ACSF2: variants seen among roughly 807,000 people sequenced by gnomAD.
ACSF2 encodes acyl-CoA synthetase family member 2.
In ACSF2, 52 loss-of-function variants were observed where a neutral mutation model predicts 79.3. The ratio of observed to expected loss-of-function variants is 0.66; its 90% CI spans 0.53 to 0.83. ACSF2 has a LOEUF of 0.83. ACSF2 is among the 40% of genes least tolerant of loss of function. The pLI, the probability that ACSF2 is intolerant of heterozygous loss-of-function variation, is 0.00. For synonymous variants in ACSF2, 283 were observed against 312.6 expected (o/e 0.91, Z 1.00); for missense variants, 661 against 803.3 (o/e 0.82, Z 2.14).
At chr17:50,434,378 A>G (rs754681195) in intron 1 of ACSF2, among the ~76,000 whole-genome samples, 11 of 151,918 alleles carry the variant, frequency 7.2e-5, no homozygotes, top group Non-Finnish European at 1.6e-4. Context: ...CCACCAATAT[A>G]GAGTATCTTG....
At chr17:50,468,338 A>C in intron 10 of ACSF2, 1 of 1,614,178 alleles carries the variant, frequency 6.2e-7, no homozygotes, top group Non-Finnish European at 8.5e-7. Flanking sequence ...CAGCTCACGG[A>C]TCTTGTTGTT....
At chr17:50,426,457 C>T in intron 1 of ACSF2, 68 bp downstream of exon 1, 2 of 1,268,468 alleles carry the variant, frequency 1.6e-6, no homozygotes, top group South Asian at 3.1e-5. Flanking sequence ...GAGGTCCCGG[C>T]GAGCTTCGGA....
chr17:50,436,378 C>T (rs1411941152), intron 1 of ACSF2, among the ~76,000 whole-genome samples: 1 of 152,052 alleles, frequency 6.6e-6, no homozygotes, highest in Non-Finnish European at 1.5e-5. Context: ...ATCCACCTGC[C>T]TTGGCCTCCC....
intron 10 of ACSF2, chr17:50,467,918 T>G (rs995192156): frequency 3.1e-5 from 31 of 1,000,044 alleles, no homozygotes; most frequent in Non-Finnish European, 4.1e-5. Context: ...CTGCTCACCT[T>G]GGAGATAGCC....
chr17:50,456,209 C>T (rs1350481170), intron 1 of ACSF2, among the ~76,000 whole-genome samples: 1 of 152,192 alleles, frequency 6.6e-6, no homozygotes, highest in African/African-American at 2.4e-5. Context: ...TAGGGGTTGC[C>T]TCACCCTTGG....
chr17:50,468,298 G>A, intron 10 of ACSF2: 1 of 1,613,736 alleles, frequency 6.2e-7, no homozygotes, highest in South Asian at 1.1e-5. Context: ...GCCAGCGCAG[G>A]TCCTTGGCTC....
Position 50,472,487 on chromosome 17 carries a change from G to A in ACSF2, c.1383G>A (p.Leu461=), listed in dbSNP as rs376769734. The change falls in exon 12 of 16, where the codon CTG becomes CTA. Residue 461 remains leucine (L), a synonymous_variant. Transcript: ENST00000300441. ...TLAKLNTPGE[L]CIRGYCVMLG... is the part of the protein sequence containing the mutation. ...CAAAGCTGAACACGCCCGGGGAGCT[G>A]TGCATCCGAGGGTACTGCGTCATGC... 3.1e-6 allele frequency: 5 copies of A among 1,613,168 alleles called. No individual in the cohort carries two copies. Among genetic ancestry groups the A allele is most frequent in the Non-Finnish European group, 4.2e-6 (5 of 1,179,518 alleles).
intron 1 of ACSF2, among the ~76,000 whole-genome samples, chr17:50,452,236 T>C (rs1045876839): frequency 2.0e-5 from 3 of 152,118 alleles, no homozygotes; most frequent in African/African-American, 7.2e-5. Context: ...TAGTTCTGAG[T>C]TGAGAACAAC....
At chr17:50,431,550 C>A (rs886431143) in intron 1 of ACSF2, among the ~76,000 whole-genome samples, 1 of 152,198 alleles carries the variant, frequency 6.6e-6, no homozygotes, top group Non-Finnish European at 1.5e-5. Context: ...CGTTGTGAAC[C>A]CTGGTGCCAT....
chr17:50,455,081 C>G (rs896179998), intron 1 of ACSF2, among the ~76,000 whole-genome samples: 9 of 152,212 alleles, frequency 5.9e-5, no homozygotes, highest in African/African-American at 2.2e-4. Flanking sequence ...CTCCCGGATT[C>G]AAGAGATTTT....
Position 50,463,685 on chromosome 17 carries a change from C to T in ACSF2, c.1046+133C>T. On this transcript the variant is annotated intron_variant, in intron 8 of 15. Coordinates refer to ENST00000300441, the MANE Select transcript of ACSF2 (RefSeq NM_025149.6). The surrounding 1 kb of genome is among the most constrained non-coding windows in gnomAD (Gnocchi z 4.6). ...GAGGATGGGGACAGTGGAGGACCCCCAGGAGAGGACCAGTTCCTGCCTCAG... is the reference window on the plus strand; with the variant it reads ...GAGGATGGGGACAGTGGAGGACCCCTAGGAGAGGACCAGTTCCTGCCTCAG... 1 of 1,486,650 alleles carries T rather than the reference C, an allele frequency of 6.7e-7. No individual in the cohort carries two copies. The highest frequency in any genetic ancestry group is 1.8e-5 in the Admixed American group (1 of 54,924). The allele number at this position is 1,486,650 out of a possible 1,614,324, so 92.1% of individuals were successfully genotyped here.
At chr17:50,444,266 C>G (rs1390512590) in intron 1 of ACSF2, among the ~76,000 whole-genome samples, 1 of 151,958 alleles carries the variant, frequency 6.6e-6, no homozygotes, top group Non-Finnish European at 1.5e-5. Flanking sequence ...GAAATATCAG[C>G]CACTGGCTGG....
chr17:50,441,806 A>G (rs2030937435), intron 1 of ACSF2, among the ~76,000 whole-genome samples: 1 of 152,046 alleles, frequency 6.6e-6, no homozygotes, highest in Non-Finnish European at 1.5e-5. Flanking sequence ...CATGTCATTA[A>G]ATGTTGTGTC....
intron 1 of ACSF2, among the ~76,000 whole-genome samples, chr17:50,446,886 C>T (rs1193931805): frequency 6.6e-6 from 1 of 152,142 alleles, no homozygotes; most frequent in African/African-American, 2.4e-5. Context: ...TTTATCTGTT[C>T]CATCGTTGAT....
intron 1 of ACSF2, among the ~76,000 whole-genome samples, chr17:50,432,008 T>A (rs1357303931): frequency 6.6e-6 from 1 of 152,132 alleles, no homozygotes; most frequent in Non-Finnish European, 1.5e-5. Context: ...TGAGTGATCC[T>A]CCTATCTCAG....
chr17:50,450,811 A>AT (rs1322437707), intron 1 of ACSF2: 1 of 152,186 alleles, frequency 6.6e-6, no homozygotes, highest in Non-Finnish European at 1.5e-5. Context: ...CAAATAATAG[A>AT]TTCCATTGTA....
chr17:50,469,017 G>A (rs1598433813), intron 10 of ACSF2: 2 of 1,351,680 alleles, frequency 1.5e-6, no homozygotes. Flanking sequence ...CCTCCACGGG[G>A]AAGGGGGCGG....
chr17:50,465,585 C>T, intron 10 of ACSF2: 3 of 1,469,778 alleles, frequency 2.0e-6, no homozygotes, highest in South Asian at 2.5e-5. Context: ...ACTGAGGCTC[C>T]CAGGGTCCCA....
In ACSF2 at chr17:50,463,746, A is replaced by T; in HGVS notation, c.1047-72A>T. 1 of 1,521,502 alleles carries T rather than the reference A, an allele frequency of 6.6e-7. No homozygotes were observed. The allele number at this position is 1,521,502 out of a possible 1,614,324, so 94.3% of individuals were successfully genotyped here. ...TGCCTATTCCCTTTGCTGCAGTTTC[A>T]TGGCGGGGTGGGTGAGAACAGGGAG... On this transcript the variant is annotated intron_variant, in intron 8 of 15. Transcript: ENST00000300441. The surrounding 1 kb of genome is among the most constrained non-coding windows in gnomAD (Gnocchi z 4.6).
Sources: gnomAD v4.1 joint callset for allele counts (sites outside exome capture counted in the v4.1 genomes callset) on GRCh38, gnomAD v4.1.1 for gene constraint, Gnocchi (gnomAD v3.1) non-coding constraint, MANE v1.5 for transcripts, NCBI Gene and HGNC (gene_info 2026-07-23, HGNC 2026-07-21) for gene names.